SYNPR: variants seen among roughly 807,000 people sequenced by gnomAD.
The protein encoded by SYNPR is synaptoporin.
A neutral mutation model predicts 32.9 loss-of-function variants in SYNPR; 23 were observed. The ratio of observed to expected loss-of-function variants is 0.70; its 90% confidence interval spans 0.50 to 0.99. The LOEUF (loss-of-function observed/expected upper bound fraction) is 0.99. Ranked by LOEUF, SYNPR falls within the 50% of genes least tolerant of loss-of-function variation. The pLI is 0.00. For synonymous variants in SYNPR, 146 were observed against 135.9 expected, an observed-to-expected ratio of 1.07 and a Z score of -0.52; for missense variants, 318 against 349.3, an observed-to-expected ratio of 0.91 and a Z score of 0.71.
At chr3:63,403,703 G>A (rs1324537564) in intron 2 of SYNPR, among the ~76,000 whole-genome samples, 1 of 152,162 alleles carries the variant, frequency 6.6e-6, no homozygotes, top group Non-Finnish European at 1.5e-5. Flanking sequence ...GAAGACAGAG[G>A]TGTAGCATAG....
intron 2 of SYNPR, among the ~76,000 whole-genome samples, chr3:63,316,530 T>C (rs1560189938): frequency 6.6e-6 from 1 of 152,040 alleles, no homozygotes; most frequent in Non-Finnish European, 1.5e-5. Flanking sequence ...GTAAAGGTGT[T>C]CATAGTGGCC....
At chr3:63,603,769 C>T (rs1210389710) in intron 4 of SYNPR, among the ~76,000 whole-genome samples, 2 of 152,120 alleles carry the variant, frequency 1.3e-5, no homozygotes, top group African/African-American at 4.8e-5. Context: ...AGGATTTTTA[C>T]ATCTATGTTC....
At chr3:63,405,650 A>G (rs2088350131) in intron 2 of SYNPR, among the ~76,000 whole-genome samples, 1 of 152,104 alleles carries the variant, frequency 6.6e-6, no homozygotes, top group Non-Finnish European at 1.5e-5. Flanking sequence ...TGCTTAAAAC[A>G]GACCCTTCAG....
At chr3:63,468,613 T>C (rs908738459) in intron 2 of SYNPR, among the ~76,000 whole-genome samples, 1 of 152,102 alleles carries the variant, frequency 6.6e-6, no homozygotes, top group African/African-American at 2.4e-5. Flanking sequence ...TCAGCCTGGC[T>C]AACATGTTGA....
At chr3:63,580,791 T>G (rs1703076432) in intron 4 of SYNPR, among the ~76,000 whole-genome samples, 1 of 152,174 alleles carries the variant, frequency 6.6e-6, no homozygotes, top group Admixed American at 6.5e-5. Flanking sequence ...ATTAGTCTCA[T>G]TATACAGTTC....
chr3:63,259,001 C>T (rs1259624469), intron 2 of SYNPR, among the ~76,000 whole-genome samples: 1 of 152,146 alleles, frequency 6.6e-6, no homozygotes, highest in East Asian at 1.9e-4. Context: ...TGGACACATA[C>T]ACCCTCCCAA....
At chr3:63,585,662 T>C (rs946528145) in intron 4 of SYNPR, among the ~76,000 whole-genome samples, 3 of 152,042 alleles carry the variant, frequency 2.0e-5, no homozygotes, top group African/African-American at 4.8e-5. Context: ...TTTTAGGAAA[T>C]AGTGGACAAG....
intron 2 of SYNPR, among the ~76,000 whole-genome samples, chr3:63,296,024 G>A (rs374778045): frequency 2.6e-5 from 4 of 152,214 alleles, no homozygotes; most frequent in African/African-American, 9.6e-5. Context: ...GTTGGGGCCA[G>A]AATGCAAACC....
chr3:63,307,674 C>A (rs970605501), intron 2 of SYNPR, among the ~76,000 whole-genome samples: 1 of 151,956 alleles, frequency 6.6e-6, no homozygotes. Context: ...AGGAAATTTT[C>A]ATGAGTCTTT....
chr3:63,574,905 T>C (rs1214141971), intron 4 of SYNPR, among the ~76,000 whole-genome samples: 1 of 152,180 alleles, frequency 6.6e-6, no homozygotes, highest in Non-Finnish European at 1.5e-5. Context: ...TCTGTGACTT[T>C]ATAATTTATC....
chr3:63,430,537 C>T (rs1445540094), intron 2 of SYNPR, among the ~76,000 whole-genome samples: 2 of 152,162 alleles, frequency 1.3e-5, no homozygotes, highest in African/African-American at 4.8e-5. Context: ...AAAGCACCTC[C>T]TAGACCTTTG....
At chr3:63,342,205 G>A (rs1238093600) in intron 2 of SYNPR, among the ~76,000 whole-genome samples, 2 of 152,134 alleles carry the variant, frequency 1.3e-5, no homozygotes, top group African/African-American at 4.8e-5. Context: ...TCTATATTCT[G>A]TTCCATTTAT....
chr3:63,407,843 C>T (rs1451976784), intron 2 of SYNPR, among the ~76,000 whole-genome samples: 2 of 152,008 alleles, frequency 1.3e-5, no homozygotes, highest in East Asian at 3.9e-4. Context: ...CTCACTTCAA[C>T]ACTACCATGC....
intron 2 of SYNPR, among the ~76,000 whole-genome samples, chr3:63,378,842 C>T (rs1054618146): frequency 2.0e-5 from 3 of 151,276 alleles, no homozygotes; most frequent in Non-Finnish European, 4.4e-5. Context: ...GTTTATTTTG[C>T]TCCCTTTATT....
intron 3 of SYNPR, among the ~76,000 whole-genome samples, chr3:63,543,885 G>A (rs1046206868): frequency 6.6e-6 from 1 of 151,996 alleles, no homozygotes; most frequent in Non-Finnish European, 1.5e-5. Context: ...GCTGGCCATG[G>A]ACAATATGGA....
intron 4 of SYNPR, 90 bp downstream of exon 4, chr3:63,556,831 C>T (rs958048379): frequency 2.8e-5 from 35 of 1,242,020 alleles, no homozygotes; most frequent in Non-Finnish European, 3.3e-5. Context: ...CCTGAGCCCT[C>T]GGGTTAGGTG....
chr3:63,566,585 G>T (rs1173987369), intron 4 of SYNPR, among the ~76,000 whole-genome samples: 1 of 152,046 alleles, frequency 6.6e-6, no homozygotes, highest in African/African-American at 2.4e-5. Flanking sequence ...ACCCTTGAGG[G>T]CAAAATCTGT....
chr3:63,447,192 T>G (rs1436257704), intron 2 of SYNPR, among the ~76,000 whole-genome samples: 1 of 152,192 alleles, frequency 6.6e-6, no homozygotes, highest in Admixed American at 6.5e-5. Flanking sequence ...TATATTGTGC[T>G]CAACCACAGT....
chr3:63,438,740 G>A (rs950510856), intron 2 of SYNPR, among the ~76,000 whole-genome samples: 4 of 152,166 alleles, frequency 2.6e-5, no homozygotes. Flanking sequence ...GTCAGAGAAA[G>A]GAAGGCACCA....
Sources: gnomAD v4.1 joint callset for allele counts (sites outside exome capture counted in the v4.1 genomes callset) on GRCh38, gnomAD v4.1.1 for gene constraint, MANE v1.5 for transcripts, NCBI Gene and HGNC (gene_info 2026-07-23, HGNC 2026-07-21) for gene names.